The following CADPS variants were observed in gnomAD, a reference collection of about 807,000 sequenced individuals.
CADPS encodes the protein calcium-dependent secretion activator 1.
CADPS carries 57 observed loss-of-function variants against 167.3 expected under a neutral mutation model. The observed-to-expected ratio is 0.34, with a 90% CI of 0.28 to 0.42. CADPS has a LOEUF of 0.42. Among genes scored for constraint, CADPS ranks in the 20% least tolerant of loss-of-function variants. The pLI is 1.00. For missense variants in CADPS, 1,414 were observed against 1,738.1 expected (o/e 0.81, Z 3.32); for synonymous variants, 676 against 635.3 (o/e 1.06, Z -0.96).
chr3:62,857,056 G>A (rs2079850547), intron 1 of CADPS, among the ~76,000 whole-genome samples: 2 of 151,818 alleles, frequency 1.3e-5, no homozygotes, highest in Non-Finnish European at 2.9e-5. Context: ...CATAAAAACG[G>A]TCCATCACAA....
chr3:62,672,058 G>T (rs939020929), intron 3 of CADPS, among the ~76,000 whole-genome samples: 12 of 152,094 alleles, frequency 7.9e-5, no homozygotes, highest in African/African-American at 2.9e-4. Context: ...GGGATTACAG[G>T]TGTGAGCCAC....
At position 62,491,391 on chromosome 3, in the gene CADPS, T is replaced by C. The variant is rs1224570625; in HGVS notation, c.2974A>G (p.Ile992Val). Residue 992 changes from isoleucine (I) to valine (V), a missense_variant, in exon 21 of 30, where the codon ATT becomes GTT. Coordinates refer to ENST00000383710, the MANE Select transcript of CADPS (RefSeq NM_003716.4). ...AAGCCCCTGTGAATGGATTGTGCAA[T>C]TGAGGACTCCATCAGATCCACATAT... ...VRYVDLMESS[I>V]AQSIHRGFER... 3.7e-6 allele frequency: 6 copies of C among 1,614,050 alleles called. No individual in the cohort carries two copies. Among genetic ancestry groups the C allele is most frequent in the South Asian group, 2.2e-5 (2 of 91,088 alleles).
chr3:62,797,653 G>T (rs1025226413), intron 1 of CADPS, among the ~76,000 whole-genome samples: 22 of 152,034 alleles, frequency 1.4e-4, no homozygotes, highest in African/African-American at 5.1e-4. Context: ...AACACACAAT[G>T]GGGCCTGTTG....
chr3:62,630,965 C>T (rs1284346277), intron 6 of CADPS, among the ~76,000 whole-genome samples: 1 of 152,040 alleles, frequency 6.6e-6, no homozygotes, highest in East Asian at 1.9e-4. Context: ...TCTTATTTCC[C>T]AAGTGCCTAA....
chr3:62,683,764 T>G (rs535472788), intron 3 of CADPS, among the ~76,000 whole-genome samples: 7 of 152,150 alleles, frequency 4.6e-5, no homozygotes, highest in African/African-American at 1.7e-4. Flanking sequence ...TTCTTTGCAT[T>G]TGATGACCTT....
At chr3:62,522,813 A>C (rs1040074580) in intron 13 of CADPS, among the ~76,000 whole-genome samples, 3 of 152,086 alleles carry the variant, frequency 2.0e-5, no homozygotes, top group Non-Finnish European at 4.4e-5. Flanking sequence ...CGCTTCTTTT[A>C]TATCATGATC....
intron 5 of CADPS, among the ~76,000 whole-genome samples, chr3:62,647,475 C>T (rs559349800): frequency 7.0e-4 from 107 of 152,282 alleles, no homozygotes; most frequent in Non-Finnish European, 5.4e-4. Context: ...ATGCTGCTGA[C>T]CCAGAAGCCA....
chr3:62,736,764 C>A (rs368106917), intron 3 of CADPS, among the ~76,000 whole-genome samples: 39 of 152,236 alleles, frequency 2.6e-4, no homozygotes, highest in African/African-American at 7.9e-4. Context: ...CTTACTATAT[C>A]CTGCATACAT....
chr3:62,830,623 C>T (rs950032461), intron 1 of CADPS, among the ~76,000 whole-genome samples: 9 of 152,066 alleles, frequency 5.9e-5, no homozygotes, highest in Non-Finnish European at 1.0e-4. Flanking sequence ...AACAAAGTCT[C>T]CCTACAGAAA....
At chr3:62,856,894 G>A (rs1460341043) in intron 1 of CADPS, among the ~76,000 whole-genome samples, 2 of 151,030 alleles carry the variant, frequency 1.3e-5, no homozygotes, top group Admixed American at 1.3e-4. Context: ...AGTAGTAGAA[G>A]AAGATAGGTA....
intron 9 of CADPS, among the ~76,000 whole-genome samples, chr3:62,566,202 G>C (rs916776784): frequency 6.6e-6 from 1 of 152,220 alleles, no homozygotes; most frequent in Non-Finnish European, 1.5e-5. Context: ...CTGCCTGGGA[G>C]CAGGGGCGGG....
At chr3:62,853,825 G>A (rs746320907) in intron 1 of CADPS, among the ~76,000 whole-genome samples, 4 of 151,798 alleles carry the variant, frequency 2.6e-5, no homozygotes, top group African/African-American at 7.3e-5. Flanking sequence ...GTGTGGTGGT[G>A]CGTGCCTGTA....
intron 17 of CADPS, among the ~76,000 whole-genome samples, chr3:62,506,903 T>G (rs1289965220): frequency 6.6e-6 from 1 of 152,186 alleles, no homozygotes; most frequent in East Asian, 1.9e-4. Flanking sequence ...CCATATTGCT[T>G]CCCAAACTTC....
At chr3:62,553,877 G>A (rs1457675346) in intron 10 of CADPS, among the ~76,000 whole-genome samples, 1 of 152,076 alleles carries the variant, frequency 6.6e-6, no homozygotes, top group Non-Finnish European at 1.5e-5. Flanking sequence ...TGAAGAATGT[G>A]ATGTGTGACC....
intron 1 of CADPS, among the ~76,000 whole-genome samples, chr3:62,808,907 C>CTCTTCCTCCTCCAAA (rs1033054815): frequency 2.6e-5 from 4 of 152,040 alleles, no homozygotes; most frequent in Non-Finnish European, 5.9e-5. Context: ...CATCCTAAAC[C>CTCTTCCTCCTCCAAA]TCTTCCTCCT....
At chr3:62,459,163 G>A (rs541448562) in intron 26 of CADPS, among the ~76,000 whole-genome samples, 21 of 152,290 alleles carry the variant, frequency 1.4e-4, no homozygotes, top group African/African-American at 4.3e-4. Context: ...TTTTTAAAGC[G>A]CGGTGTTTTT....
At chr3:62,630,331 C>T (rs1325070125) in intron 6 of CADPS, among the ~76,000 whole-genome samples, 1 of 152,032 alleles carries the variant, frequency 6.6e-6, no homozygotes, top group Non-Finnish European at 1.5e-5. Flanking sequence ...CTGTATTTTG[C>T]CCCAGCCTCT....
At chr3:62,426,486 C>T (rs763188826) in intron 28 of CADPS, among the ~76,000 whole-genome samples, 10 of 152,160 alleles carry the variant, frequency 6.6e-5, no homozygotes, top group East Asian at 1.9e-4. Flanking sequence ...CTACTGATGA[C>T]GACAACAATA....
chr3:62,450,776 C>T (rs907813143), intron 26 of CADPS, among the ~76,000 whole-genome samples: 3 of 151,532 alleles, frequency 2.0e-5, no homozygotes, highest in African/African-American at 4.8e-5. Context: ...GTACAGGTAC[C>T]ACATTAGGAG....
Sources: gnomAD v4.1 joint callset for allele counts (sites outside exome capture counted in the v4.1 genomes callset) on GRCh38, gnomAD v4.1.1 for gene constraint, MANE v1.5 for transcripts, NCBI Gene and HGNC (gene_info 2026-07-23, HGNC 2026-07-21) for gene names.